ZBTB44: variants seen among roughly 807,000 people sequenced by gnomAD.
The protein encoded by ZBTB44 is zinc finger and BTB domain containing 44.
Under a neutral mutation model 54.0 loss-of-function variants are expected in ZBTB44, and 15 were observed. That is an observed-to-expected ratio of 0.28 (90% CI 0.19 to 0.43). The LOEUF is 0.43. ZBTB44 is among the 20% of genes least tolerant of loss of function. The pLI, the probability that ZBTB44 is intolerant of heterozygous loss-of-function variation, is 1.00. For synonymous variants in ZBTB44, 230 were observed against 250.1 expected (o/e 0.92, Z 0.76); for missense variants, 487 against 707.1 (o/e 0.69, Z 3.53).
intron 2 of ZBTB44, among the ~76,000 whole-genome samples, chr11:130,247,365 T>G (rs1218786365): frequency 6.6e-6 from 1 of 152,246 alleles, no homozygotes; most frequent in African/African-American, 2.4e-5. Flanking sequence ...AGGTGCCACC[T>G]GCCCTTGGCT....
intron 2 of ZBTB44, among the ~76,000 whole-genome samples, chr11:130,256,684 T>A (rs1305477131): frequency 6.9e-6 from 1 of 145,454 alleles, no homozygotes. Context: ...AAATTAAAAA[T>A]AAAAATTCAA....
chr11:130,245,347 T>C (rs1954596782), intron 2 of ZBTB44, among the ~76,000 whole-genome samples: 1 of 152,222 alleles, frequency 6.6e-6, no homozygotes, highest in South Asian at 2.1e-4. Context: ...AAGAAAGAAC[T>C]GTTTACTTGT....
intron 5 of ZBTB44, chr11:130,236,045 T>C (rs995732585): frequency 9.1e-7 from 1 of 1,102,474 alleles, no homozygotes; most frequent in Non-Finnish European, 1.1e-6. Flanking sequence ...ACAATTCTTA[T>C]AAACAATTTA....
rs1320535749 is a variant in ZBTB44, at chr11:130,314,357, C to T, written c.-57+18G>A. 2 of 152,982 alleles carry T rather than the reference C, an allele frequency of 1.3e-5. No homozygotes were observed. Among genetic ancestry groups the T allele is most frequent in the Non-Finnish European group, 2.9e-5 (2 of 68,120 alleles). The allele number at this position is 152,982 out of a possible 1,614,324, so 9.5% of individuals were successfully genotyped here. A position where few individuals can be genotyped will look rare whatever the true frequency, so the allele number is the denominator to read the frequency against. On this transcript the variant is annotated intron_variant, in intron 1 of 7. Coordinates refer to ENST00000357899, the MANE Select transcript of ZBTB44 (RefSeq NM_001301098.2). Reference sequence around the variant, plus strand: ...CCGTCCCCCGCGCGACCGGAGCCCGCCCTCCCCTCCCCGTTACCTGCGGGC... The same window carrying T: ...CCGTCCCCCGCGCGACCGGAGCCCGTCCTCCCCTCCCCGTTACCTGCGGGC...
At position 130,229,398 on chromosome 11, in the gene ZBTB44, G is replaced by A. The variant is rs1305091706; in HGVS notation, c.*2366C>T. ...TATCGTCTAAAATGAAACATCCAGA[G>A]AGCGACTGTTCTTAGTTGAGCCTGG... On this transcript the variant is annotated 3_prime_UTR_variant, in exon 8 of 8. Transcript: ENST00000357899. The A allele has an allele frequency of 6.6e-6, 1 of 152,130 alleles. No homozygotes were observed. Among genetic ancestry groups the A allele is most frequent in the Non-Finnish European group, 1.5e-5 (1 of 68,004 alleles). 9.4% of individuals were successfully genotyped at this position (152,130 alleles called of 1,614,324 possible).
At chr11:130,236,421 A>AG (rs1385635948) in intron 5 of ZBTB44, among the ~76,000 whole-genome samples, 1 of 152,224 alleles carries the variant, frequency 6.6e-6, no homozygotes, top group Non-Finnish European at 1.5e-5. Flanking sequence ...ATTAACATCT[A>AG]GAGTCTGGAG....
At chr11:130,241,574 T>C (rs1196294227) in intron 2 of ZBTB44, among the ~76,000 whole-genome samples, 1 of 152,218 alleles carries the variant, frequency 6.6e-6, no homozygotes, top group Non-Finnish European at 1.5e-5. Context: ...CTTTTTAGCA[T>C]AAGAGTTCTT....
chr11:130,259,072 G>C (rs1443385315), intron 2 of ZBTB44, among the ~76,000 whole-genome samples: 1 of 152,170 alleles, frequency 6.6e-6, no homozygotes, highest in African/African-American at 2.4e-5. Context: ...GAAAATAAGA[G>C]AGGACACAAA....
At position 130,301,523 on chromosome 11, in the gene ZBTB44, G is replaced by A. The variant is rs554520147; in HGVS notation, c.-57+12852C>T. Among the ~76,000 whole-genome samples, 6 of 152,242 alleles carry A rather than the reference G, an allele frequency of 3.9e-5. No homozygotes were observed. In the South Asian group the frequency reaches 6.2e-4, roughly 16 times the overall value. On this transcript the variant is annotated intron_variant, in intron 1 of 7. Coordinates refer to ENST00000357899, the MANE Select transcript of ZBTB44 (RefSeq NM_001301098.2). Reference sequence around the variant, plus strand: ...TACAAAAAATATAATAATCCGCTGCGTGTGGTGGTGTGCATCTGTGGTCCC... The same window carrying A: ...TACAAAAAATATAATAATCCGCTGCATGTGGTGGTGTGCATCTGTGGTCCC...
chr11:130,233,815 C>T, intron 6 of ZBTB44: 2 of 1,170,172 alleles, frequency 1.7e-6, no homozygotes, highest in Non-Finnish European at 2.1e-6. Flanking sequence ...AGCAATCTCT[C>T]AGTTAGGAAA....
intron 5 of ZBTB44, among the ~76,000 whole-genome samples, chr11:130,235,203 G>C (rs1344010352): frequency 1.3e-5 from 2 of 152,062 alleles, no homozygotes; most frequent in Non-Finnish European, 2.9e-5. Context: ...ATTAAAATCT[G>C]TTCATCTGCA....
chr11:130,240,030 T>C (rs1245133931), intron 2 of ZBTB44, 134 bp from the exon 3 acceptor site: 6 of 593,748 alleles, frequency 1.0e-5, no homozygotes, highest in Non-Finnish European at 1.7e-5. Flanking sequence ...TAATCCAAAG[T>C]AGTGTTCTAC....
chr11:130,287,582 C>T (rs901421363), intron 1 of ZBTB44, among the ~76,000 whole-genome samples: 1 of 152,196 alleles, frequency 6.6e-6, no homozygotes, highest in Non-Finnish European at 1.5e-5. Flanking sequence ...AAAGCTTCTG[C>T]TCCCATAAAT....
In ZBTB44 at chr11:130,295,254, T is replaced by C. The variant is rs76530772; in HGVS notation, c.-57+19121A>G. On this transcript the variant is annotated intron_variant, in intron 1 of 7. Coordinates refer to ENST00000357899, the MANE Select transcript of ZBTB44 (RefSeq NM_001301098.2). ...AGGGTTAAAAAATGAAAACATTCTATGAATGTGGGCTTATCAGAAGCTCCA... is the reference window on the plus strand; with the variant it reads ...AGGGTTAAAAAATGAAAACATTCTACGAATGTGGGCTTATCAGAAGCTCCA... Among the ~76,000 whole-genome samples, 394 of 152,248 alleles carry C rather than the reference T, an allele frequency of 2.6e-3. 2 individuals are homozygous for C. Among genetic ancestry groups the C allele is most frequent in the Non-Finnish European group, 2.6e-3 (178 of 68,018 alleles).
intron 3 of ZBTB44, chr11:130,238,970 C>T (rs1954235149): frequency 6.3e-6 from 1 of 159,572 alleles, no homozygotes; most frequent in African/African-American, 2.4e-5. Context: ...TTGGCTGCTA[C>T]ATGGAAAATG....
At chr11:130,293,053 C>T (rs1251553780) in intron 1 of ZBTB44, among the ~76,000 whole-genome samples, 2 of 152,036 alleles carry the variant, frequency 1.3e-5, no homozygotes, top group Non-Finnish European at 2.9e-5. Context: ...TTTTCTTTTT[C>T]TGAACACTAC....
intron 1 of ZBTB44, among the ~76,000 whole-genome samples, chr11:130,299,700 T>C (rs77171281): frequency 0.065 from 9,730 of 149,644 alleles, 740 homozygotes; most frequent in African/African-American, 0.18. Flanking sequence ...TCCTTGTGCA[T>C]GGTTGGTGGG....
rs1369570659 is a variant in ZBTB44, at chr11:130,236,779, G to A, written c.1568+14C>T. On this transcript the variant is annotated intron_variant, in intron 5 of 7. Coordinates refer to ENST00000357899, the MANE Select transcript of ZBTB44 (RefSeq NM_001301098.2). Reference sequence around the variant, plus strand: ...AAGCAGTTTTCCTGGTTGGGTTTTCGTTGTGCACCTCACCTGCTCTGGAAG... The same window carrying A: ...AAGCAGTTTTCCTGGTTGGGTTTTCATTGTGCACCTCACCTGCTCTGGAAG... The A allele has an allele frequency of 1.1e-5, 15 of 1,329,770 alleles. No individual in the cohort carries two copies. Among genetic ancestry groups the A allele is most frequent in the Non-Finnish European group, 1.3e-5 (14 of 1,041,568 alleles). The allele number at this position is 1,329,770 out of a possible 1,614,324, so 82.4% of individuals were successfully genotyped here. A position where few individuals can be genotyped will look rare whatever the true frequency, so the allele number is the denominator to read the frequency against.
chr11:130,257,079 G>C (rs1389093099), intron 2 of ZBTB44, among the ~76,000 whole-genome samples: 1 of 151,786 alleles, frequency 6.6e-6, no homozygotes, highest in Admixed American at 6.6e-5. Context: ...AAAGTCTCGG[G>C]ATACAAAATC....
Sources: allele counts gnomAD v4.1 joint callset (sites outside exome capture counted in the v4.1 genomes callset), GRCh38; gene constraint gnomAD v4.1.1; transcripts MANE v1.5; gene names NCBI Gene and HGNC (gene_info 2026-07-23, HGNC 2026-07-21).